PCDHGA10: variants seen among roughly 807,000 people sequenced by gnomAD.
PCDHGA10 encodes protocadherin gamma-A10.
Under a neutral mutation model 59.5 loss-of-function variants are expected in PCDHGA10, and 42 were observed. That is an observed-to-expected ratio of 0.71 (90% CI 0.55 to 0.91). The LOEUF is 0.91. Ranked by LOEUF, PCDHGA10 falls within the 40% of genes least tolerant of loss-of-function variation. PCDHGA10 has a pLI of 0.00. For missense variants in PCDHGA10, 1,111 were observed against 1,198.2 expected (o/e 0.93, Z 1.07); for synonymous variants, 511 against 517.2 (o/e 0.99, Z 0.16).
intron 1 of PCDHGA10, chr5:141,427,757 C>A: frequency 7.5e-7 from 1 of 1,340,702 alleles, no homozygotes; most frequent in Non-Finnish European, 1.1e-6. Flanking sequence ...CCATCGTTAC[C>A]ACTGACTTGG....
At chr5:141,420,468 T>G in intron 1 of PCDHGA10, 1 of 799,886 alleles carries the variant, frequency 1.3e-6, no homozygotes, top group East Asian at 3.3e-5. Context: ...CAAAGACATT[T>G]TAAAGCAAAC....
rs766168062 is a variant in PCDHGA10, at chr5:141,491,124, G to A, written c.2437-3683G>A. ...TCGTGTCTACACACACTGGTGAGGT[G>A]CGCACAGCCCGGGCCTTACTGGAGG... On this transcript the variant is annotated intron_variant, in intron 1 of 3. Transcript: ENST00000398610. The surrounding 1 kb of genome is among the most constrained non-coding windows in gnomAD (Gnocchi z 6.9). 22 of 1,614,092 alleles carry A rather than the reference G, an allele frequency of 1.4e-5. No individual in the cohort carries two copies. The highest frequency in any genetic ancestry group is 3.3e-5 in the Admixed American group (2 of 60,004).
chr5:141,476,483 G>A lies in PCDHGA10; in HGVS notation c.2437-18324G>A. On this transcript the variant is annotated intron_variant, in intron 1 of 3. Coordinates refer to ENST00000398610, the MANE Select transcript of PCDHGA10 (RefSeq NM_018913.3). The surrounding 1 kb of genome is among the most constrained non-coding windows in gnomAD (Gnocchi z 7.6). The stretch of plus-strand genomic sequence containing the variant: ...CCCGCTGGAGCTGTTCAGCGTGGAA[G>A]TGGTGATCCAGGACATCAACGACAA... The A allele has an allele frequency of 3.1e-6, 5 of 1,614,166 alleles. No individual in the cohort carries two copies. Among genetic ancestry groups the A allele is most frequent in the Non-Finnish European group, 4.2e-6 (5 of 1,180,034 alleles).
At position 141,497,103 on chromosome 5, in the gene PCDHGA10, T is replaced by C. The variant is rs182534106; in HGVS notation, c.2495+2238T>C. On this transcript the variant is annotated intron_variant, in intron 2 of 3. Transcript: ENST00000398610. ...ACTTAGGAGGCTGAGGCAGAACTGC[T>C]TGAACCCGGAAGGCAGAGGTTGCAG... Among the ~76,000 whole-genome samples, 34 of 152,160 alleles carry C rather than the reference T, an allele frequency of 2.2e-4. 1 individual carries two copies. Among genetic ancestry groups the C allele is most frequent in the Admixed American group, 6.6e-4 (10 of 15,264 alleles).
chr5:141,415,434 C>T lies in PCDHGA10; in HGVS notation c.2259C>T (p.Phe753=). The T allele has an allele frequency of 1.2e-6, 2 of 1,614,192 alleles. No homozygotes were observed. Among genetic ancestry groups the T allele is most frequent in the Non-Finnish European group, 1.7e-6 (2 of 1,180,042 alleles). Reference sequence around the variant, plus strand: ...TGGGCGTGGACGGGGTTCGGGCTTTCCTGCAGACCTATTCCCACGAGGTCT... The same window carrying T: ...TGGGCGTGGACGGGGTTCGGGCTTTTCTGCAGACCTATTCCCACGAGGTCT... ...HFVGVDGVRA[F]LQTYSHEVSL... The change falls in exon 1 of 4, where the codon TTC becomes TTT. Residue 753 remains phenylalanine, a synonymous_variant. Coordinates refer to ENST00000398610, the MANE Select transcript of PCDHGA10 (RefSeq NM_018913.3).
rs761106133 is a variant in PCDHGA10 at position 141,432,117 on chromosome 5, C to A, written c.2436+16506C>A. 1 of 1,614,180 alleles carries A rather than the reference C, an allele frequency of 6.2e-7. No individual in the cohort carries two copies. Among genetic ancestry groups the A allele is most frequent in the Admixed American group, 1.7e-5 (1 of 60,024 alleles). ...ACCAACGACAACCCGCCGGTCTTCC[C>A]TCAGGCCTCCTATTCCGCTTATATC... On this transcript the variant is annotated intron_variant, in intron 1 of 3. Transcript: ENST00000398610. The surrounding 1 kb of genome is among the most constrained non-coding windows in gnomAD (Gnocchi z 6.0).
intron 1 of PCDHGA10, among the ~76,000 whole-genome samples, chr5:141,454,796 ATTTTTTTTTTTTTTTTTTT>A (rs61612330): frequency 3.9e-5 from 3 of 77,408 alleles, no homozygotes; most frequent in African/African-American, 1.2e-4. Context: ...CATGGTTCTA[ATTTTTTTTTTTTTTTTTTT>A]TTTTTTTTTT....
At chr5:141,451,050 G>A (rs915545429) in intron 1 of PCDHGA10, among the ~76,000 whole-genome samples, 6 of 151,352 alleles carry the variant, frequency 4.0e-5, no homozygotes, top group South Asian at 4.2e-4. Flanking sequence ...GGCTGGTCTC[G>A]AACTCCTGAC....
chr5:141,491,414 G>T lies in PCDHGA10; in HGVS notation c.2437-3393G>T, dbSNP rs137987971. ...CTTCAGGGAAACGCAGACGGGGACGGGGGTGGAGGGCAGTGCTGCAGGCGC... is the reference window on the plus strand; with the variant it reads ...CTTCAGGGAAACGCAGACGGGGACGTGGGTGGAGGGCAGTGCTGCAGGCGC... On this transcript the variant is annotated intron_variant, in intron 1 of 3. Coordinates refer to ENST00000398610, the MANE Select transcript of PCDHGA10 (RefSeq NM_018913.3). The surrounding 1 kb of genome is among the most constrained non-coding windows in gnomAD (Gnocchi z 6.9). 1.9e-6 allele frequency: 3 copies of T among 1,614,008 alleles called. No homozygotes were observed. Among genetic ancestry groups the T allele is most frequent in the Non-Finnish European group, 2.5e-6 (3 of 1,180,030 alleles).
In PCDHGA10 at chr5:141,489,077, C is replaced by CCCCCCACCGGG; in HGVS notation, c.2437-5730_2437-5729insCCCCCACCGGG. ...AGCTCCCCTCCCCCCTGCCCACCCCCGCCACTCGGTGACTAAGAACTGCTG... is the reference window on the plus strand; with the variant it reads ...AGCTCCCCTCCCCCCTGCCCACCCCCCCCCCACCGGGGCCACTCGGTGACTAAGAACTGCTG... On this transcript the variant is annotated intron_variant, in intron 1 of 3. Transcript: ENST00000398610. The surrounding 1 kb of genome is among the most constrained non-coding windows in gnomAD (Gnocchi z 4.5). 6.1e-6 allele frequency: 2 copies of CCCCCCACCGGG among 325,756 alleles called. No individual in the cohort carries two copies. Among genetic ancestry groups the CCCCCCACCGGG allele is most frequent in the Non-Finnish European group, 5.5e-6 (1 of 181,460 alleles). The allele number at this position is 325,756 out of a possible 1,614,324, so 20.2% of individuals were successfully genotyped here.
At chr5:141,428,540 C>T (rs1561836755) in intron 1 of PCDHGA10, 6 of 268,146 alleles carry the variant, frequency 2.2e-5, no homozygotes, top group South Asian at 8.6e-5. Context: ...CTCACCATGA[C>T]ACCAGAAACA....
At chr5:141,494,902 C>A (rs2099757367) in intron 2 of PCDHGA10, 37 bp downstream of exon 2, 1 of 1,614,024 alleles carries the variant, frequency 6.2e-7, no homozygotes, top group East Asian at 2.2e-5. Context: ...CTCTTCTCTG[C>A]GGCATTTTCT....
chr5:141,420,205 C>T (rs776838072), intron 1 of PCDHGA10: 14 of 1,612,942 alleles, frequency 8.7e-6, no homozygotes, highest in African/African-American at 1.3e-5. Context: ...ATAACCTCAA[C>T]AAAGATAGCA....
At chr5:141,427,986 G>C in intron 1 of PCDHGA10, 1 of 1,598,018 alleles carries the variant, frequency 6.3e-7, no homozygotes, top group East Asian at 2.2e-5. Context: ...GCTGGGGCCC[G>C]ATGGCTCCGC....
chr5:141,427,646 C>A, intron 1 of PCDHGA10: 1 of 715,440 alleles, frequency 1.4e-6, no homozygotes, highest in East Asian at 2.7e-5. Context: ...ACCAAGTCTC[C>A]TACGTGGTCC....
At chr5:141,474,044 T>A (rs1442885504) in intron 1 of PCDHGA10, among the ~76,000 whole-genome samples, 3 of 152,162 alleles carry the variant, frequency 2.0e-5, no homozygotes. Context: ...TACTCCAGCC[T>A]GGATGACAGA....
intron 1 of PCDHGA10, chr5:141,421,806 A>C (rs1027166084): frequency 4.3e-6 from 7 of 1,613,724 alleles, no homozygotes; most frequent in Non-Finnish European, 5.1e-6. Flanking sequence ...CCAAGAATCC[A>C]GAGCTAGTAC....
Position 141,476,873 on chromosome 5 carries a change from G to A in PCDHGA10, c.2437-17934G>A. 1.9e-6 allele frequency: 3 copies of A among 1,613,936 alleles called. No homozygotes were observed. Among genetic ancestry groups the A allele is most frequent in the Non-Finnish European group, 2.5e-6 (3 of 1,180,038 alleles). Reference sequence around the variant, plus strand: ...CAACCAGTCCTTGTACCGGGCGCGCGTCCTGGAGGATGCACCCTCCGGCAC... The same window carrying A: ...CAACCAGTCCTTGTACCGGGCGCGCATCCTGGAGGATGCACCCTCCGGCAC... On this transcript the variant is annotated intron_variant, in intron 1 of 3. Transcript: ENST00000398610. The surrounding 1 kb of genome is among the most constrained non-coding windows in gnomAD (Gnocchi z 7.6).
intron 2 of PCDHGA10, 22 bp downstream of exon 2, chr5:141,494,887 C>T (rs116522768): frequency 0.014 from 22,125 of 1,614,118 alleles, 208 homozygotes; most frequent in Middle Eastern, 0.021. Context: ...ATTCTCCAGC[C>T]CACCCTCTTC....
Sources: gnomAD v4.1 joint callset for allele counts (sites outside exome capture counted in the v4.1 genomes callset) on GRCh38, gnomAD v4.1.1 for gene constraint, Gnocchi (gnomAD v3.1) non-coding constraint, MANE v1.5 for transcripts, NCBI Gene and HGNC (gene_info 2026-07-23, HGNC 2026-07-21) for gene names.